PRKG1: variants seen among roughly 807,000 people sequenced by gnomAD.
The protein encoded by PRKG1 is protein kinase cGMP-dependent 1.
PRKG1 carries 35 observed loss-of-function variants against 88.1 expected under a neutral mutation model. The ratio of observed to expected loss-of-function variants is 0.40; its 90% confidence interval spans 0.30 to 0.53. The LOEUF is 0.53. PRKG1 is among the 20% of genes least tolerant of loss of function. The pLI, the probability that PRKG1 is intolerant of heterozygous loss-of-function variation, is 0.59. For missense variants in PRKG1, 540 were observed against 839.8 expected (o/e 0.64, Z 4.41); for synonymous variants, 303 against 292.5 (o/e 1.04, Z -0.37).
At chr10:51,939,750 A>G (rs1194750503) in intron 5 of PRKG1, among the ~76,000 whole-genome samples, 1 of 150,744 alleles carries the variant, frequency 6.6e-6, no homozygotes, top group Non-Finnish European at 1.5e-5. Context: ...CAGTGGGAAT[A>G]ATACATATAT....
intron 2 of PRKG1, among the ~76,000 whole-genome samples, chr10:51,275,042 G>A (rs1206559502): frequency 6.6e-6 from 1 of 152,188 alleles, no homozygotes; most frequent in East Asian, 1.9e-4. Flanking sequence ...AAAGTGCCGT[G>A]AATGACTCAG....
intron 2 of PRKG1, among the ~76,000 whole-genome samples, chr10:51,306,982 C>T (rs985170357): frequency 1.3e-5 from 2 of 152,120 alleles, no homozygotes; most frequent in Admixed American, 6.6e-5. Context: ...CACCTGCTGC[C>T]TTACACATTT....
intron 3 of PRKG1, among the ~76,000 whole-genome samples, chr10:51,669,148 C>T (rs570566757): frequency 3.3e-5 from 5 of 152,324 alleles, no homozygotes; most frequent in African/African-American, 1.2e-4. Flanking sequence ...TCATCATCTT[C>T]AGCTGCTTTA....
At chr10:51,790,161 T>G (rs1341394018) in intron 3 of PRKG1, among the ~76,000 whole-genome samples, 2 of 152,154 alleles carry the variant, frequency 1.3e-5, no homozygotes, top group Non-Finnish European at 2.9e-5. Flanking sequence ...CTTTGCAGCC[T>G]GTCTAAATCT....
chr10:51,261,936 A>G (rs1339776867), intron 2 of PRKG1, among the ~76,000 whole-genome samples: 3 of 144,330 alleles, frequency 2.1e-5, no homozygotes, highest in Non-Finnish European at 3.0e-5. Context: ...CCAGGCTGGA[A>G]TGCAGTGGTG....
intron 1 of PRKG1, among the ~76,000 whole-genome samples, chr10:51,116,402 C>T (rs1175422164): frequency 4.6e-5 from 7 of 152,110 alleles, no homozygotes; most frequent in East Asian, 3.9e-4. Flanking sequence ...CCTGAAGACA[C>T]GGCTTATTGG....
intron 1 of PRKG1, among the ~76,000 whole-genome samples, chr10:51,054,636 A>T (rs527974857): frequency 6.6e-6 from 1 of 152,206 alleles, no homozygotes; most frequent in Non-Finnish European, 1.5e-5. Context: ...AGTTTTGGTG[A>T]TAGGCATATC....
At chr10:51,694,771 GAA>G (rs1282399071) in intron 3 of PRKG1, among the ~76,000 whole-genome samples, 6 of 152,148 alleles carry the variant, frequency 3.9e-5, no homozygotes, top group Admixed American at 6.5e-5. Context: ...TGATTGTGTA[GAA>G]AAACACATAA....
At chr10:51,191,869 C>A (rs910582990) in intron 2 of PRKG1, among the ~76,000 whole-genome samples, 2 of 151,674 alleles carry the variant, frequency 1.3e-5, no homozygotes, top group Non-Finnish European at 3.0e-5. Context: ...GTTTTTCCAG[C>A]CTTCCTACTA....
At chr10:51,153,364 A>G (rs374032976) in intron 2 of PRKG1, 34 bp downstream of exon 2, 1 of 1,544,992 alleles carries the variant, frequency 6.5e-7, no homozygotes, top group Admixed American at 1.9e-5. Context: ...CTGACATTCA[A>G]ATATTCTTTT....
intron 5 of PRKG1, among the ~76,000 whole-genome samples, chr10:51,992,490 A>T (rs1320719844): frequency 6.6e-6 from 1 of 151,972 alleles, no homozygotes; most frequent in Non-Finnish European, 1.5e-5. Flanking sequence ...AAGAACTATA[A>T]CATTTTTTTT....
chr10:50,995,624 C>T (rs1428041441), intron 1 of PRKG1, among the ~76,000 whole-genome samples: 2 of 152,126 alleles, frequency 1.3e-5, no homozygotes, highest in South Asian at 2.1e-4. Context: ...TGAATATACT[C>T]CACATCAAGA....
At chr10:51,573,175 C>G (rs1007618117) in intron 3 of PRKG1, among the ~76,000 whole-genome samples, 2 of 151,686 alleles carry the variant, frequency 1.3e-5, no homozygotes, top group African/African-American at 2.4e-5. Flanking sequence ...TGTCTTGCAT[C>G]CAGATTAACA....
chr10:52,256,030 G>A (rs1841299715), intron 10 of PRKG1, among the ~76,000 whole-genome samples: 1 of 142,462 alleles, frequency 7.0e-6, no homozygotes, highest in Non-Finnish European at 1.6e-5. Flanking sequence ...GTGGTTTAAG[G>A]CCACTTAGTC....
intron 3 of PRKG1, among the ~76,000 whole-genome samples, chr10:51,769,133 T>G (rs1838242014): frequency 6.6e-6 from 1 of 152,202 alleles, no homozygotes; most frequent in Non-Finnish European, 1.5e-5. Context: ...CAAAAACCTA[T>G]GCAAGGGTAG....
chr10:51,852,226 T>TATATATATATATATATATATATATATAC (rs1403355117), intron 4 of PRKG1, among the ~76,000 whole-genome samples: 2 of 149,340 alleles, frequency 1.3e-5, no homozygotes, highest in African/African-American at 4.9e-5. Flanking sequence ...TATATATATA[T>TATATATATATATATATATATATATATAC]ATACACACAC....
intron 1 of PRKG1, among the ~76,000 whole-genome samples, chr10:51,120,161 T>C (rs554446327): frequency 2.0e-5 from 3 of 152,166 alleles, no homozygotes; most frequent in Non-Finnish European, 4.4e-5. Flanking sequence ...ACTTGCTGTC[T>C]AGAATTTAGA....
At chr10:51,115,605 C>T (rs1373335000) in intron 1 of PRKG1, among the ~76,000 whole-genome samples, 8 of 149,526 alleles carry the variant, frequency 5.4e-5, no homozygotes, top group African/African-American at 9.8e-5. Context: ...TTTGGGAGGC[C>T]GAGGCGGGAG....
chr10:51,716,225 C>T (rs1244088972), intron 3 of PRKG1, among the ~76,000 whole-genome samples: 1 of 152,152 alleles, frequency 6.6e-6, no homozygotes, highest in Non-Finnish European at 1.5e-5. Context: ...CTTCCAAAAG[C>T]AATTACATCT....
Sources: gnomAD v4.1 joint callset for allele counts (sites outside exome capture counted in the v4.1 genomes callset) on GRCh38, gnomAD v4.1.1 for gene constraint, MANE v1.5 for transcripts, NCBI Gene and HGNC (gene_info 2026-07-23, HGNC 2026-07-21) for gene names.